The following RHPN1 variants were observed in gnomAD, a reference collection of about 807,000 sequenced individuals.
RHPN1 encodes the protein rhophilin Rho GTPase binding protein 1.
RHPN1 carries 77 observed loss-of-function variants against 74.7 expected under a neutral mutation model. That is an observed-to-expected ratio of 1.03 (90% CI 0.86 to 1.25). The LOEUF (loss-of-function observed/expected upper bound fraction) is 1.25. RHPN1 is among the 50% of genes most tolerant of loss of function. The probability of loss-of-function intolerance (pLI) is 0.00; values close to 1 mark genes in which losing one functional copy is unlikely to be tolerated. For missense variants in RHPN1, 987 were observed against 932.2 expected (o/e 1.06, Z -0.77); for synonymous variants, 444 against 414.5 (o/e 1.07, Z -0.87).
rs543074192 is a variant in RHPN1 at position 143,379,568 on chromosome 8, A to T, written c.945+60A>T. The stretch of plus-strand genomic sequence containing the variant: ...TGGGGCCGAGCTGGGGTCAGAGCCC[A>T]GGTCCAGGCATGCGTGAGCTCTCCC... On this transcript the variant is annotated intron_variant, in intron 8 of 14. Transcript: ENST00000289013. 9.4e-6 allele frequency: 14 copies of T among 1,487,804 alleles called. No individual in the cohort carries two copies. The Admixed American group carries it at 1.4e-4, about 15-fold the overall frequency. The allele number at this position is 1,487,804 out of a possible 1,614,324, so 92.2% of individuals were successfully genotyped here. A position where few individuals can be genotyped will look rare whatever the true frequency, so the allele number is the denominator to read the frequency against.
Position 143,381,361 on chromosome 8 carries a change from C to T in RHPN1, c.1488+17C>T, listed in dbSNP as rs1818714677. 6.3e-7 allele frequency: 1 copy of T among 1,596,974 alleles called. No homozygotes were observed. Among genetic ancestry groups the T allele is most frequent in the Admixed American group, 1.7e-5 (1 of 57,828 alleles). The stretch of plus-strand genomic sequence containing the variant: ...CATCGGCTGGTGAGCACACCCGTCC[C>T]CAGGCACCGCCCAGCATGGGCAGCT... On this transcript the variant is annotated intron_variant, in intron 12 of 14. Transcript: ENST00000289013.
intron 4 of RHPN1, 125 bp from the exon 5 acceptor site, chr8:143,378,144 C>T (rs1019530812): frequency 9.9e-6 from 8 of 809,518 alleles, no homozygotes; most frequent in African/African-American, 8.6e-5. Flanking sequence ...TGCATGGCAG[C>T]CAGCCTGCTC....
In RHPN1 at chr8:143,376,556, G is replaced by A. The variant is rs768248634; in HGVS notation, c.208G>A (p.Val70Ile). ...CAGCAACAACCGGGTGAGAGAGACG[G>A]TCGCCCTGGAGCTGAGCTACGTCAA... is the stretch of plus-strand genomic sequence containing the variant. ...ATSNNRVRET[V>I]ALELSYVNSN... Residue 70 changes from valine (V) to isoleucine (I), a missense_variant, in exon 3 of 15, where the codon GTC becomes ATC. Coordinates refer to ENST00000289013, the MANE Select transcript of RHPN1 (RefSeq NM_052924.3). 125 of 1,612,244 alleles carry A rather than the reference G, an allele frequency of 7.8e-5. 1 individual carries two copies. Among genetic ancestry groups the A allele is most frequent in the Non-Finnish European group, 1.0e-4 (119 of 1,179,538 alleles).
intron 12 of RHPN1, 98 bp downstream of exon 12, chr8:143,381,442 C>T: frequency 6.9e-7 from 1 of 1,446,988 alleles, no homozygotes; most frequent in Non-Finnish European, 9.3e-7. Context: ...GATGGTGGTC[C>T]AGCCCTCCCC....
At chr8:143,377,319 C>T (rs540338125) in intron 3 of RHPN1, 61 bp from the exon 4 acceptor site, 21 of 1,400,650 alleles carry the variant, frequency 1.5e-5, no homozygotes, top group African/African-American at 4.3e-5. Context: ...GAGTGGACCC[C>T]GGGCTGCCGT....
intron 10 of RHPN1, 181 bp from the exon 11 acceptor site, chr8:143,380,408 G>C (rs1409716447): frequency 6.0e-6 from 4 of 665,662 alleles, no homozygotes; most frequent in Non-Finnish European, 1.0e-5. Context: ...GCTCATCCCT[G>C]GCCCCTGCTT....
At chr8:143,378,605 C>A in intron 5 of RHPN1, 91 bp from the exon 6 acceptor site, 1 of 1,476,556 alleles carries the variant, frequency 6.8e-7, no homozygotes, top group Non-Finnish European at 9.1e-7. Flanking sequence ...TCCCCGCCCC[C>A]CATGGTGCTG....
In RHPN1 at chr8:143,382,711, C is replaced by G; in HGVS notation, c.*60C>G. ...CAGCTGGCAGCAAGCACCGAGCATG[C>G]CCTCCCCACCCAGAGGACCTCCGGG... On this transcript the variant is annotated 3_prime_UTR_variant, in exon 15 of 15. Coordinates refer to ENST00000289013, the MANE Select transcript of RHPN1 (RefSeq NM_052924.3). 2 of 1,425,056 alleles carry G rather than the reference C, an allele frequency of 1.4e-6. No individual in the cohort carries two copies. The highest frequency in any genetic ancestry group is 1.9e-6 in the Non-Finnish European group (2 of 1,045,910). The allele number at this position is 1,425,056 out of a possible 1,614,324, so 88.3% of individuals were successfully genotyped here. A position where few individuals can be genotyped will look rare whatever the true frequency, so the allele number is the denominator to read the frequency against.
At chr8:143,378,621 C>A (rs1818456596) in intron 5 of RHPN1, 75 bp from the exon 6 acceptor site, 3 of 1,524,714 alleles carry the variant, frequency 2.0e-6, no homozygotes, top group Non-Finnish European at 2.6e-6. Context: ...TGCTGGTGCC[C>A]ATGGGACTTC....
chr8:143,371,978 T>C (rs1817853016), intron 1 of RHPN1, among the ~76,000 whole-genome samples: 1 of 152,138 alleles, frequency 6.6e-6, no homozygotes, highest in Non-Finnish European at 1.5e-5. Flanking sequence ...CCGGCTCGGG[T>C]CTGCTCCTCC....
chr8:143,383,002 T>C lies in RHPN1; in HGVS notation c.*351T>C. 3.6e-6 allele frequency: 1 copy of C among 275,766 alleles called. No homozygotes were observed. The highest frequency in any genetic ancestry group is 6.9e-6 in the Non-Finnish European group (1 of 145,080). 17.1% of individuals were successfully genotyped at this position (275,766 alleles called of 1,614,324 possible). The stretch of plus-strand genomic sequence containing the variant: ...GCTGCCCTGGGCACAGACCCTGAGG[T>C]CTCAGTCCTGCCTCCAGCCAAGTTT... On this transcript the variant is annotated 3_prime_UTR_variant, in exon 15 of 15. Coordinates refer to ENST00000289013, the MANE Select transcript of RHPN1 (RefSeq NM_052924.3).
At position 143,368,909 on chromosome 8, in the gene RHPN1, G is replaced by T; in HGVS notation, c.-79G>T. On this transcript the variant is annotated 5_prime_UTR_variant, in exon 1 of 15. Coordinates refer to ENST00000289013, the MANE Select transcript of RHPN1 (RefSeq NM_052924.3). ...GCCCGCGGCCCAGGTGGTGCGGGCG[G>T]CCCTAGCCCGGCTGCGGAGCGCTGC... The T allele has an allele frequency of 2.5e-6, 3 of 1,189,666 alleles. No individual in the cohort carries two copies. Among genetic ancestry groups the T allele is most frequent in the South Asian group, 3.5e-5 (2 of 57,934 alleles). 73.7% of individuals were successfully genotyped at this position (1,189,666 alleles called of 1,614,324 possible). A position where few individuals can be genotyped will look rare whatever the true frequency, so the allele number is the denominator to read the frequency against.
intron 1 of RHPN1, among the ~76,000 whole-genome samples, 173 bp from the exon 2 acceptor site, chr8:143,375,380 T>C (rs35052796): frequency 0.2 from 31,038 of 152,246 alleles, 5,319 homozygotes; most frequent in African/African-American, 0.48. Context: ...TGGCCAGGCC[T>C]GTGTTCACAC....
intron 3 of RHPN1, 139 bp from the exon 4 acceptor site, chr8:143,377,241 C>T (rs888325555): frequency 9.6e-6 from 6 of 623,146 alleles, no homozygotes; most frequent in African/African-American, 3.7e-5. Flanking sequence ...TGCAAGGATG[C>T]CCCCCAGGAC....
At chr8:143,364,931 C>T (rs1323864109), upstream of RHPN1, among the ~76,000 whole-genome samples, 1 of 152,180 alleles carries the variant, frequency 6.6e-6, no homozygotes, top group East Asian at 1.9e-4. The surrounding 1 kb of genome is among the most constrained non-coding windows in gnomAD (Gnocchi z 4.5). Context: ...CCTGTTACTC[C>T]ATTCATCACA....
chr8:143,378,356 T>TCCGCCCCCC lies in RHPN1; in HGVS notation c.459+12_459+13insGCCCCCCCC. 3 of 1,525,438 alleles carry TCCGCCCCCC rather than the reference T, an allele frequency of 2.0e-6. No individual in the cohort carries two copies. Among genetic ancestry groups the TCCGCCCCCC allele is most frequent in the South Asian group, 1.2e-5 (1 of 83,568 alleles). 94.5% of individuals were successfully genotyped at this position (1,525,438 alleles called of 1,614,324 possible). A position where few individuals can be genotyped will look rare whatever the true frequency, so the allele number is the denominator to read the frequency against. ...GGAGGCCCTGCGGCAGGTGTGTGGT[T>TCCGCCCCCC]CCCCCGCCCACCCACCCTCCTGCAG... On this transcript the variant is annotated intron_variant, in intron 5 of 14. Coordinates refer to ENST00000289013, the MANE Select transcript of RHPN1 (RefSeq NM_052924.3).
intron 1 of RHPN1, among the ~76,000 whole-genome samples, chr8:143,370,829 G>T (rs1817772847): frequency 6.6e-6 from 1 of 152,248 alleles, no homozygotes; most frequent in South Asian, 2.1e-4. Flanking sequence ...GGACCACAAG[G>T]AATACAGCCT....
chr8:143,378,764 C>T lies in RHPN1; in HGVS notation c.528C>T (p.Cys176=). The stretch of plus-strand genomic sequence containing the variant: ...TCACAGCCTATTACAACCAGCTGTG[C>T]TTCCTGGATGCGCGCTTCCTCACCC... ...ELLTAYYNQL[C]FLDARFLTPA... is the part of the protein sequence containing the mutation. The change falls in exon 6 of 15, where the codon TGC becomes TGT. Residue 176 remains cysteine, a synonymous_variant. Coordinates refer to ENST00000289013, the MANE Select transcript of RHPN1 (RefSeq NM_052924.3). 1 of 1,580,928 alleles carries T rather than the reference C, an allele frequency of 6.3e-7. No homozygotes were observed. Among genetic ancestry groups the T allele is most frequent in the Non-Finnish European group, 8.6e-7 (1 of 1,163,914 alleles).
At chr8:143,369,581 G>A (rs1013280369) in intron 1 of RHPN1, among the ~76,000 whole-genome samples, 1 of 152,204 alleles carries the variant, frequency 6.6e-6, no homozygotes, top group Non-Finnish European at 1.5e-5. Flanking sequence ...CCGGGGTGCT[G>A]ACTGGGCAAG....
Sources: gnomAD v4.1 joint callset for allele counts (sites outside exome capture counted in the v4.1 genomes callset) on GRCh38, gnomAD v4.1.1 for gene constraint, Gnocchi (gnomAD v3.1) non-coding constraint, MANE v1.5 for transcripts, NCBI Gene and HGNC (gene_info 2026-07-23, HGNC 2026-07-21) for gene names.